The following GAS7 variants were observed in gnomAD, a reference collection of about 807,000 sequenced individuals.
GAS7 encodes growth arrest specific 7.
In GAS7, 28 loss-of-function variants were observed where a neutral mutation model predicts 71.1. The ratio of observed to expected loss-of-function variants is 0.39; its 90% CI spans 0.29 to 0.54. GAS7 has a LOEUF of 0.54. Ranked by LOEUF, GAS7 falls within the 20% of genes least tolerant of loss-of-function variation. GAS7 has a pLI of 0.62. For synonymous variants in GAS7, 258 were observed against 245.8 expected, an observed-to-expected ratio of 1.05 and a Z score of -0.46; for missense variants, 436 against 627.8, an observed-to-expected ratio of 0.69 and a Z score of 3.27.
chr17:9,944,058 C>T (rs183870928), intron 6 of GAS7, among the ~76,000 whole-genome samples: 2 of 152,324 alleles, frequency 1.3e-5, no homozygotes, highest in Admixed American at 6.5e-5. Flanking sequence ...AAGTACTTAG[C>T]AGCCAATTAA....
chr17:9,959,305 AT>A lies in GAS7; in HGVS notation c.472-51del, dbSNP rs546619221. On this transcript the variant is annotated intron_variant, in intron 4 of 13. Coordinates refer to ENST00000432992, the MANE Select transcript of GAS7 (RefSeq NM_201433.2). This position sits in a 1 kb window ranked among gnomAD's most constrained non-coding sequence, Gnocchi z 5.0. ...GTCAAAGCTGTTCTCCATATTGGAC[AT>A]TTTTTCCCCCCATTCAGGTTCCCTG... 108 of 1,613,162 alleles carry A rather than the reference AT, an allele frequency of 6.7e-5. 1 individual carries two copies. Among genetic ancestry groups the A allele is most frequent in the South Asian group, 2.1e-4 (19 of 90,836 alleles).
intron 1 of GAS7, among the ~76,000 whole-genome samples, chr17:10,131,379 T>G (rs1283495910): frequency 1.3e-5 from 2 of 152,208 alleles, no homozygotes; most frequent in African/African-American, 4.8e-5. Flanking sequence ...TCCCAGCACT[T>G]TGGGAGGCCA....
Position 10,034,329 on chromosome 17 carries a change from TAGACA to T in GAS7, c.184-14437_184-14433del. 1.1e-5 allele frequency: 6 copies of T among 543,910 alleles called. No individual in the cohort carries two copies. The highest frequency in any genetic ancestry group is 1.4e-5 in the Non-Finnish European group (6 of 426,352). The allele number at this position is 543,910 out of a possible 1,614,324, so 33.7% of individuals were successfully genotyped here. A position where few individuals can be genotyped will look rare whatever the true frequency, so the allele number is the denominator to read the frequency against. ...ACTTAATAATTCTTTTTTTTTTTTT[TAGACA>T]GTCTTGCTGTGTCACCCAGGCTGGA... On this transcript the variant is annotated intron_variant, in intron 1 of 13. Coordinates refer to ENST00000432992, the MANE Select transcript of GAS7 (RefSeq NM_201433.2). This position sits in a 1 kb window ranked among gnomAD's most constrained non-coding sequence, Gnocchi z 4.4.
intron 9 of GAS7, among the ~76,000 whole-genome samples, chr17:9,927,865 G>A (rs913203503): frequency 7.2e-5 from 11 of 152,110 alleles, no homozygotes; most frequent in African/African-American, 2.2e-4. Flanking sequence ...CAACTGTCCC[G>A]CATTGCGCTC....
At chr17:10,155,094 G>A (rs1325505237) in intron 1 of GAS7, among the ~76,000 whole-genome samples, 3 of 151,054 alleles carry the variant, frequency 2.0e-5, no homozygotes, top group South Asian at 4.2e-4. Context: ...GGCTCACTGC[G>A]ACCTCCGCCT....
chr17:10,108,068 G>A (rs2073776868), intron 1 of GAS7, among the ~76,000 whole-genome samples: 1 of 151,988 alleles, frequency 6.6e-6, no homozygotes, highest in Non-Finnish European at 1.5e-5. Context: ...CCATAGTCCA[G>A]AGGGGGTCTG....
intron 4 of GAS7, among the ~76,000 whole-genome samples, chr17:9,961,610 C>T (rs748166887): frequency 1.6e-4 from 25 of 152,302 alleles, no homozygotes; most frequent in South Asian, 8.3e-4. Context: ...GATGAGGGGG[C>T]TAAGGGGAGA....
At chr17:10,006,113 G>C (rs2071517060) in intron 2 of GAS7, among the ~76,000 whole-genome samples, 1 of 151,976 alleles carries the variant, frequency 6.6e-6, no homozygotes, top group South Asian at 2.1e-4. Context: ...CCAAAGTAGA[G>C]GCAAATTAGG....
chr17:10,136,939 T>C (rs988850029), intron 1 of GAS7, among the ~76,000 whole-genome samples: 4 of 152,006 alleles, frequency 2.6e-5, no homozygotes, highest in East Asian at 3.9e-4. Flanking sequence ...ATGGGAAAGA[T>C]GGCGAAACCC....
rs183255180 is a variant in GAS7, at chr17:9,999,316, G to A, written c.305-17432C>T. 1.7e-3 allele frequency among the ~76,000 whole-genome samples: 257 copies of A among 152,194 alleles called. 1 individual carries two copies. The highest frequency in any genetic ancestry group is 6.0e-3 in the African/African-American group (250 of 41,526). ...GTGGAACACTTGAGGTCAGGAGTTC[G>A]ACACCAGCCTGGCCAACATGGTGAA... On this transcript the variant is annotated intron_variant, in intron 2 of 13. Coordinates refer to ENST00000432992, the MANE Select transcript of GAS7 (RefSeq NM_201433.2).
intron 1 of GAS7, among the ~76,000 whole-genome samples, chr17:10,146,239 T>A (rs773760332): frequency 2.3e-4 from 35 of 152,158 alleles, no homozygotes; most frequent in Non-Finnish European, 3.2e-4. Flanking sequence ...AAGGCGCAGA[T>A]AAGAAATGGA....
intron 9 of GAS7, among the ~76,000 whole-genome samples, chr17:9,927,492 CA>C (rs1002837178): frequency 1.3e-5 from 2 of 149,536 alleles, no homozygotes; most frequent in African/African-American, 4.9e-5. Context: ...AAAAAAAAAA[CA>C]AAACAAACAA....
chr17:10,071,550 CT>C lies in GAS7; in HGVS notation c.184-51654del, dbSNP rs532273482. On this transcript the variant is annotated intron_variant, in intron 1 of 13. Transcript: ENST00000432992. The stretch of plus-strand genomic sequence containing the variant: ...GCTGCCTACAGGACCACTGGATGTG[CT>C]TTGCTTGACCTGCAGACCTTTTTAA... Among the ~76,000 whole-genome samples, 16 of 152,294 alleles carry C rather than the reference CT, an allele frequency of 1.1e-4. No individual in the cohort carries two copies. In the South Asian group the frequency reaches 3.3e-3, roughly 32 times the overall value.
In GAS7 at chr17:9,985,606, G is replaced by A. The variant is rs534727816; in HGVS notation, c.305-3722C>T. 3.9e-5 allele frequency among the ~76,000 whole-genome samples: 6 copies of A among 152,352 alleles called. No homozygotes were observed. In the South Asian group the frequency reaches 1.2e-3, roughly 32 times the overall value. ...CCCCAGACTCTCTAGAGTGGGTGCT[G>A]TAGTGCACCACCCAAATCTCTCTAG... On this transcript the variant is annotated intron_variant, in intron 2 of 13. Transcript: ENST00000432992.
At chr17:10,003,626 G>A (rs139559848) in intron 2 of GAS7, among the ~76,000 whole-genome samples, 172 of 152,334 alleles carry the variant, frequency 1.1e-3, no homozygotes, top group African/African-American at 3.9e-3. Context: ...TGGGCACGCA[G>A]ATAGGCATTA....
chr17:10,185,115 G>A (rs564113522), intron 1 of GAS7, among the ~76,000 whole-genome samples: 27 of 152,136 alleles, frequency 1.8e-4, no homozygotes, highest in Non-Finnish European at 2.5e-4. Flanking sequence ...TAGTAGAGAC[G>A]GGGTTTTGTA....
intron 1 of GAS7, among the ~76,000 whole-genome samples, chr17:10,128,525 G>A (rs2073969710): frequency 6.6e-6 from 1 of 152,058 alleles, no homozygotes; most frequent in Non-Finnish European, 1.5e-5. Context: ...CCTTAACTAG[G>A]CCAGAACATA....
intron 1 of GAS7, among the ~76,000 whole-genome samples, chr17:10,061,981 C>A (rs942876916): frequency 6.6e-6 from 1 of 152,164 alleles, no homozygotes; most frequent in Non-Finnish European, 1.5e-5. Flanking sequence ...AGGACCGCCG[C>A]CCACAACAAA....
intron 5 of GAS7, among the ~76,000 whole-genome samples, chr17:9,952,973 G>A (rs1249907979): frequency 6.6e-6 from 1 of 151,980 alleles, no homozygotes; most frequent in Non-Finnish European, 1.5e-5. Flanking sequence ...ACTATCATTC[G>A]ACCCAGCAAT....
Sources: gnomAD v4.1 joint callset for allele counts (sites outside exome capture counted in the v4.1 genomes callset) on GRCh38, gnomAD v4.1.1 for gene constraint, Gnocchi (gnomAD v3.1) non-coding constraint, MANE v1.5 for transcripts, NCBI Gene and HGNC (gene_info 2026-07-23, HGNC 2026-07-21) for gene names.